RCHY1: variants seen among roughly 807,000 people sequenced by gnomAD.
RCHY1 encodes ring finger and CHY zinc finger domain containing 1.
Under a neutral mutation model 41.6 loss-of-function variants are expected in RCHY1, and 21 were observed. The observed-to-expected ratio is 0.51, with a 90% confidence interval of 0.36 to 0.73. The LOEUF (loss-of-function observed/expected upper bound fraction) is 0.73, where lower values mean the gene tolerates loss of function less well. RCHY1 is among the 30% of genes least tolerant of loss of function. The probability of loss-of-function intolerance (pLI) is 0.00; values close to 1 mark genes in which losing one functional copy is unlikely to be tolerated. For missense variants in RCHY1, 265 were observed against 325.3 expected, an observed-to-expected ratio of 0.81 and a Z score of 1.43; for synonymous variants, 79 against 102.9, an observed-to-expected ratio of 0.77 and a Z score of 1.41.
chr4:75,481,836 G>A lies in RCHY1; in HGVS notation c.*702C>T, dbSNP rs923728266. 2.0e-5 allele frequency: 3 copies of A among 152,020 alleles called. No individual in the cohort carries two copies. The highest frequency in any genetic ancestry group is 4.4e-5 in the Non-Finnish European group (3 of 67,988). The allele number at this position is 152,020 out of a possible 1,614,324, so 9.4% of individuals were successfully genotyped here. A position where few individuals can be genotyped will look rare whatever the true frequency, so the allele number is the denominator to read the frequency against. On this transcript the variant is annotated 3_prime_UTR_variant, in exon 9 of 9. Transcript: ENST00000324439. ...CCTAAAAAAAACTGTTTTCAATGTT[G>A]ATGTTTTTATTAAGGCTTTGGAAGA...
At chr4:75,489,964 GGA>G (rs1722602199) in intron 8 of RCHY1, among the ~76,000 whole-genome samples, 1 of 152,122 alleles carries the variant, frequency 6.6e-6, no homozygotes, top group Non-Finnish European at 1.5e-5. Context: ...AAGTTAACCA[GGA>G]AAGTTTCTCC....
At position 75,486,874 on chromosome 4, in the gene RCHY1, G is replaced by C. The variant is rs1722059164; in HGVS notation, c.657+3707C>G. The stretch of plus-strand genomic sequence containing the variant: ...TGCGCTTGTAGTCCCAGCTACTCGG[G>C]AGGCTGAGGCAGAAGAATTGCTTAA... On this transcript the variant is annotated intron_variant, in intron 8 of 8. Coordinates refer to ENST00000324439, the MANE Select transcript of RCHY1 (RefSeq NM_015436.4). Among the ~76,000 whole-genome samples, 2 of 152,136 alleles carry C rather than the reference G, an allele frequency of 1.3e-5. 1 individual carries two copies. The highest frequency in any genetic ancestry group is 4.1e-4 in the South Asian group (2 of 4,836).
chr4:75,497,289 T>G lies in RCHY1; in HGVS notation c.327-3110A>C, dbSNP rs376765109. ...TTAAGATCGTCCTAAAAGGCTTTGCTGTACATAGTTAACTGTAACCTAACT... is the reference window on the plus strand; with the variant it reads ...TTAAGATCGTCCTAAAAGGCTTTGCGGTACATAGTTAACTGTAACCTAACT... On this transcript the variant is annotated intron_variant, in intron 3 of 8. Transcript: ENST00000324439. Among the ~76,000 whole-genome samples, 14 of 152,322 alleles carry G rather than the reference T, an allele frequency of 9.2e-5. 1 individual carries two copies. The highest frequency in any genetic ancestry group is 3.4e-4 in the African/African-American group (14 of 41,578).
intron 3 of RCHY1, among the ~76,000 whole-genome samples, chr4:75,503,465 G>C (rs1185918521): frequency 6.6e-6 from 1 of 152,188 alleles, no homozygotes; most frequent in Non-Finnish European, 1.5e-5. Context: ...GGGAGGCCAA[G>C]GTGGGCGGAT....
intron 4 of RCHY1, among the ~76,000 whole-genome samples, chr4:75,493,484 C>A (rs1301001066): frequency 6.6e-6 from 1 of 151,798 alleles, no homozygotes. Context: ...TCAACAGCTA[C>A]AATGTTGCTA....
rs972469620 is a variant in RCHY1 at position 75,514,388 on chromosome 4, C to G, written c.-102G>C. The G allele has an allele frequency of 4.5e-6, 6 of 1,340,360 alleles. No individual in the cohort carries two copies. Among genetic ancestry groups the G allele is most frequent in the Non-Finnish European group, 6.1e-6 (6 of 990,094 alleles). 83.0% of individuals were successfully genotyped at this position (1,340,360 alleles called of 1,614,324 possible). On this transcript the variant is annotated 5_prime_UTR_variant, in exon 1 of 9. Transcript: ENST00000324439. ...AGCACACCCCTCCCAGCCCCAGCGGCCACTAGCGACAATATGGCTCCTAAG... is the reference window on the plus strand; with the variant it reads ...AGCACACCCCTCCCAGCCCCAGCGGGCACTAGCGACAATATGGCTCCTAAG...
At chr4:75,512,850 A>T (rs1255619928) in intron 1 of RCHY1, among the ~76,000 whole-genome samples, 2 of 129,390 alleles carry the variant, frequency 1.5e-5, no homozygotes, top group African/African-American at 5.9e-5. Context: ...GCTGCATTTG[A>T]CCCAGCTGAC....
At chr4:75,496,145 G>A (rs1195040157) in intron 3 of RCHY1, among the ~76,000 whole-genome samples, 1 of 152,054 alleles carries the variant, frequency 6.6e-6, no homozygotes, top group Non-Finnish European at 1.5e-5. Context: ...GAATAACGGA[G>A]ATCAGACCTA....
At chr4:75,514,122 C>T (rs1156696973) in intron 1 of RCHY1, 75 bp downstream of exon 1, 1 of 1,555,378 alleles carries the variant, frequency 6.4e-7, no homozygotes, top group Admixed American at 1.7e-5. Context: ...TAAATCCAAG[C>T]CTAACCACCT....
intron 8 of RCHY1, among the ~76,000 whole-genome samples, chr4:75,487,784 A>AT (rs1394145916): frequency 6.0e-4 from 25 of 41,374 alleles, no homozygotes; most frequent in African/African-American, 3.8e-3. Context: ...ATATATTCAT[A>AT]ATATATATAT....
intron 8 of RCHY1, among the ~76,000 whole-genome samples, chr4:75,487,604 T>TA (rs1430106434): frequency 1.4e-3 from 47 of 33,982 alleles, no homozygotes; most frequent in African/African-American, 2.6e-3. Context: ...TATATATTCA[T>TA]ATATATTCAT....
intron 3 of RCHY1, among the ~76,000 whole-genome samples, chr4:75,506,124 G>A (rs1205507435): frequency 6.5e-5 from 8 of 122,212 alleles, no homozygotes; most frequent in African/African-American, 9.2e-5. Flanking sequence ...AATAGAACAG[G>A]ACATACAAAA....
At chr4:75,507,171 G>C (rs1207159908) in intron 3 of RCHY1, among the ~76,000 whole-genome samples, 1 of 151,930 alleles carries the variant, frequency 6.6e-6, no homozygotes, top group Non-Finnish European at 1.5e-5. Context: ...TAACTCCAAA[G>C]ATAATGCTGG....
chr4:75,490,007 G>T (rs1352691797), intron 8 of RCHY1, among the ~76,000 whole-genome samples: 1 of 152,146 alleles, frequency 6.6e-6, no homozygotes, highest in African/African-American at 2.4e-5. Context: ...AGTGTGGACA[G>T]TTTTTTCCCA....
At chr4:75,494,539 AACC>A (rs1723014274) in intron 3 of RCHY1, 1 of 185,920 alleles carries the variant, frequency 5.4e-6, no homozygotes, top group African/African-American at 2.4e-5. Flanking sequence ...GTCTACACAG[AACC>A]ACTTCATTCT....
Position 75,514,252 on chromosome 4 carries a change from C to T in RCHY1, c.35G>A (p.Gly12Asp), listed in dbSNP as rs139876815. Reference sequence around the variant, plus strand: ...GCAGCCCCGCTGACCTCGCTCTTGACCGCTGGCGCCATCTTCCCGGGCCGT... The same window carrying T: ...GCAGCCCCGCTGACCTCGCTCTTGATCGCTGGCGCCATCTTCCCGGGCCGT... ...AATAREDGAS[G>D]QERGQRGCEH... Residue 12 changes from glycine to aspartate, a missense_variant, in exon 1 of 9, where the codon GGT becomes GAT. Coordinates refer to ENST00000324439, the MANE Select transcript of RCHY1 (RefSeq NM_015436.4). The T allele has an allele frequency of 1.2e-6, 2 of 1,612,926 alleles. No homozygotes were observed. The highest frequency in any genetic ancestry group is 8.5e-7 in the Non-Finnish European group (1 of 1,179,000).
At position 75,479,173 on chromosome 4, in the gene RCHY1, AATTT is replaced by A. The variant is rs549263916; in HGVS notation, c.*3361_*3364del. Reference sequence around the variant, plus strand: ...CCACAAAAAATGGTATGAGGCAATAAATTTATTACATTGATTTAATCATTCTACA... The same window carrying A: ...CCACAAAAAATGGTATGAGGCAATAAATTACATTGATTTAATCATTCTACA... On this transcript the variant is annotated 3_prime_UTR_variant, in exon 9 of 9. Coordinates refer to ENST00000324439, the MANE Select transcript of RCHY1 (RefSeq NM_015436.4). 1.3e-5 allele frequency: 2 copies of A among 152,152 alleles called. No homozygotes were observed. Among genetic ancestry groups the A allele is most frequent in the East Asian group, 1.9e-4 (1 of 5,206 alleles). 9.4% of individuals were successfully genotyped at this position (152,152 alleles called of 1,614,324 possible). A position where few individuals can be genotyped will look rare whatever the true frequency, so the allele number is the denominator to read the frequency against.
chr4:75,507,610 C>T (rs942484990), intron 3 of RCHY1, among the ~76,000 whole-genome samples: 3 of 151,822 alleles, frequency 2.0e-5, no homozygotes, highest in Non-Finnish European at 4.4e-5. Flanking sequence ...AGACACATGA[C>T]TTAAATGTAA....
At chr4:75,487,579 T>TATATTCATA (rs1722198340) in intron 8 of RCHY1, among the ~76,000 whole-genome samples, 1 of 29,180 alleles carries the variant, frequency 3.4e-5, no homozygotes, top group Non-Finnish European at 6.3e-5. Flanking sequence ...TATATATTCA[T>TATATTCATA]ATATATATTC....
Sources: gnomAD v4.1 joint callset for allele counts (sites outside exome capture counted in the v4.1 genomes callset) on GRCh38, gnomAD v4.1.1 for gene constraint, MANE v1.5 for transcripts, NCBI Gene and HGNC (gene_info 2026-07-23, HGNC 2026-07-21) for gene names.